Variants in B3GALNT1 observed in about 807,000 individuals in gnomAD.
B3GALNT1 encodes the protein beta-1,3-N-acetylgalactosaminyltransferase 1 (Globoside blood group), also known as UDP-GalNAc:beta-1,3-N-acetylgalactosaminyltransferase 1.
B3GALNT1 carries 17 observed loss-of-function variants against 27.3 expected under a neutral mutation model. The observed-to-expected ratio is 0.62, with a 90% CI of 0.43 to 0.94. B3GALNT1 has a LOEUF of 0.94. B3GALNT1 is among the 40% of genes least tolerant of loss of function. The pLI, the probability that B3GALNT1 is intolerant of heterozygous loss-of-function variation, is 0.00. For missense variants in B3GALNT1, 347 were observed against 390.0 expected (o/e 0.89, Z 0.93); for synonymous variants, 141 against 144.0 (o/e 0.98, Z 0.15).
Position 161,086,021 on chromosome 3 carries a change from A to C in B3GALNT1, c.734T>G (p.Met245Arg). ...GATCCTTGGCACCAAATCTCTGGAC[A>C]TTATATAACCCAACCCACTGCAGTA... The part of the protein sequence containing the change: ...PPYCSGLGYI[M>R]SRDLVPRIYE... The change falls in exon 5 of 5, where the codon ATG (methionine) becomes AGG (arginine). Residue 245 changes from methionine (M) to arginine (R), a missense_variant. Transcript: ENST00000320474. The C allele has an allele frequency of 6.3e-7, 1 of 1,587,380 alleles. No individual in the cohort carries two copies. Among genetic ancestry groups the C allele is most frequent in the Non-Finnish European group, 8.6e-7 (1 of 1,168,958 alleles).
rs1447400481 is a variant in B3GALNT1, at chr3:161,092,822, A to C, written c.-34-6034T>G. ...CGCTCTGTCGCCCAGGCTGGAGTGC[A>C]GTGGTGCAATCTCGGCTCACTGCGC... On this transcript the variant is annotated intron_variant, in intron 4 of 4. Transcript: ENST00000320474. Among the ~76,000 whole-genome samples, 26 of 131,424 alleles carry C rather than the reference A, an allele frequency of 2.0e-4. 1 individual carries two copies. 86.2% of individuals were successfully genotyped at this position (131,424 alleles called of 152,430 possible).
At chr3:161,088,114 CCTTGGG>C (rs1722994026) in intron 4 of B3GALNT1, among the ~76,000 whole-genome samples, 1 of 152,086 alleles carries the variant, frequency 6.6e-6, no homozygotes, top group Non-Finnish European at 1.5e-5. Flanking sequence ...AAGGGTTCTA[CCTTGGG>C]TCAACTTTAG....
Position 161,101,242 on chromosome 3 carries a change from G to A in B3GALNT1, c.-129-9C>T. On this transcript the variant is annotated splice_polypyrimidine_tract_variant and intron_variant, in intron 3 of 4. Coordinates refer to ENST00000320474, the MANE Select transcript of B3GALNT1 (RefSeq NM_003781.4). Reference sequence around the variant, plus strand: ...CCAGGGAGCTAAGAAAACTGGAGCAGAGCAAAGATCACAAAGTCAGGCAGA... The same window carrying A: ...CCAGGGAGCTAAGAAAACTGGAGCAAAGCAAAGATCACAAAGTCAGGCAGA... 1.6e-6 allele frequency: 2 copies of A among 1,288,734 alleles called. No individual in the cohort carries two copies. Among genetic ancestry groups the A allele is most frequent in the Non-Finnish European group, 2.0e-6 (2 of 987,844 alleles). The allele number at this position is 1,288,734 out of a possible 1,614,324, so 79.8% of individuals were successfully genotyped here.
chr3:161,100,913 T>C (rs1456708068), intron 4 of B3GALNT1, among the ~76,000 whole-genome samples: 1 of 152,074 alleles, frequency 6.6e-6, no homozygotes. Flanking sequence ...ACAAAGCACA[T>C]TTCATGACAC....
chr3:161,101,191 G>T lies in B3GALNT1; in HGVS notation c.-87C>A. On this transcript the variant is annotated 5_prime_UTR_variant, in exon 4 of 5. Coordinates refer to ENST00000320474, the MANE Select transcript of B3GALNT1 (RefSeq NM_003781.4). ...AGCACCACGTGATAGAGCAGCCAGC[G>T]GGAAGAGCCAACAGGTCAACCGGGT... 7.8e-7 allele frequency: 1 copy of T among 1,289,888 alleles called. No individual in the cohort carries two copies. Among genetic ancestry groups the T allele is most frequent in the Non-Finnish European group, 1.0e-6 (1 of 988,884 alleles). The allele number at this position is 1,289,888 out of a possible 1,614,324, so 79.9% of individuals were successfully genotyped here.
rs1317950337 is a variant in B3GALNT1, at chr3:161,086,661, C to A, written c.94G>T (p.Val32Leu). 4 of 1,614,162 alleles carry A rather than the reference C, an allele frequency of 2.5e-6. No individual in the cohort carries two copies. The highest frequency in any genetic ancestry group is 2.2e-5 in the East Asian group (1 of 44,880). Reference sequence around the variant, plus strand: ...TGGGGAAGGCTGAGGTACCACATCACAAAGAAACTCAGGAGTGACAGCAGC... The same window carrying A: ...TGGGGAAGGCTGAGGTACCACATCAAAAAGAAACTCAGGAGTGACAGCAGC... ...LLLLSLLSFFVMWYLSLPHYN... is the reference protein window; with the variant it reads ...LLLLSLLSFFLMWYLSLPHYN... The change falls in exon 5 of 5, where the codon GTG becomes TTG. Residue 32 changes from valine (V) to leucine (L), a missense_variant. Val to Leu is a conservative substitution (Grantham distance 32). Transcript: ENST00000320474.
At chr3:161,098,522 T>C (rs572145198) in intron 4 of B3GALNT1, among the ~76,000 whole-genome samples, 25 of 152,298 alleles carry the variant, frequency 1.6e-4, no homozygotes, top group African/African-American at 5.5e-4. Context: ...AAGAGCAGCC[T>C]GGCAACATGG....
intron 4 of B3GALNT1, among the ~76,000 whole-genome samples, chr3:161,097,135 T>C (rs1015408466): frequency 6.6e-6 from 1 of 152,236 alleles, no homozygotes; most frequent in African/African-American, 2.4e-5. Context: ...TACTGAAGTT[T>C]GAGAAGCAAT....
At chr3:161,089,246 AC>A (rs1249096212) in intron 4 of B3GALNT1, among the ~76,000 whole-genome samples, 1 of 152,232 alleles carries the variant, frequency 6.6e-6, no homozygotes, top group Non-Finnish European at 1.5e-5. Flanking sequence ...TAGGTATTCA[AC>A]AAACAGAAGC....
At chr3:161,089,962 G>C (rs1724131550) in intron 4 of B3GALNT1, 2 of 219,760 alleles carry the variant, frequency 9.1e-6, no homozygotes, top group Non-Finnish European at 2.0e-5. Flanking sequence ...CCACCTACTT[G>C]GGAGGCTGAG....
chr3:161,090,484 A>G (rs1038662811), intron 4 of B3GALNT1, among the ~76,000 whole-genome samples: 7 of 152,202 alleles, frequency 4.6e-5, no homozygotes, highest in African/African-American at 7.2e-5. Context: ...ATTAGGTAAT[A>G]CAAGCCTTCT....
intron 4 of B3GALNT1, among the ~76,000 whole-genome samples, chr3:161,093,212 A>T (rs899978868): frequency 1.3e-5 from 2 of 152,200 alleles, no homozygotes; most frequent in Non-Finnish European, 2.9e-5. Context: ...AGAAATGATA[A>T]ATTTTTGAGG....
chr3:161,093,949 A>T (rs1450625944), intron 4 of B3GALNT1, among the ~76,000 whole-genome samples: 3 of 152,242 alleles, frequency 2.0e-5, no homozygotes. Flanking sequence ...ACTTAGTGCA[A>T]TGCTGGGTGA....
chr3:161,100,549 T>A (rs1042654033), intron 4 of B3GALNT1, among the ~76,000 whole-genome samples: 6 of 152,208 alleles, frequency 3.9e-5, no homozygotes, highest in Non-Finnish European at 7.3e-5. Flanking sequence ...CACATGTAAG[T>A]AAGACATATT....
At position 161,084,874 on chromosome 3, in the gene B3GALNT1, T is replaced by C. The variant is rs1287538654; in HGVS notation, c.*885A>G. The C allele has an allele frequency of 6.6e-6, 1 of 152,204 alleles. No homozygotes were observed. The highest frequency in any genetic ancestry group is 1.5e-5 in the Non-Finnish European group (1 of 68,036). 9.4% of individuals were successfully genotyped at this position (152,204 alleles called of 1,614,324 possible). A position where few individuals can be genotyped will look rare whatever the true frequency, so the allele number is the denominator to read the frequency against. On this transcript the variant is annotated 3_prime_UTR_variant, in exon 5 of 5. Transcript: ENST00000320474. Reference sequence around the variant, plus strand: ...CTTCAGAGTCCTTTCCAAAAGGAAATTACTGCCTTGCATTCTACATTATTC... The same window carrying C: ...CTTCAGAGTCCTTTCCAAAAGGAAACTACTGCCTTGCATTCTACATTATTC...
In B3GALNT1 at chr3:161,086,672, A is replaced by G. The variant is rs777271560; in HGVS notation, c.83T>C (p.Leu28Pro). Residue 28 changes from leucine to proline, a missense_variant, in exon 5 of 5, where the codon CTG becomes CCG. Physicochemically the swap from Leu to Pro is moderately conservative, Grantham distance 98. Transcript: ENST00000320474. Reference sequence around the variant, plus strand: ...GAGGTACCACATCACAAAGAAACTCAGGAGTGACAGCAGCAGGAGGCTCCA... The same window carrying G: ...GAGGTACCACATCACAAAGAAACTCGGGAGTGACAGCAGCAGGAGGCTCCA... ...LKWSLLLLSL[L>P]SFFVMWYLSL... 8 of 1,614,148 alleles carry G rather than the reference A, an allele frequency of 5.0e-6. No individual in the cohort carries two copies. Among genetic ancestry groups the G allele is most frequent in the South Asian group, 1.1e-5 (1 of 91,080 alleles).
chr3:161,103,403 T>C (rs1330071170), intron 3 of B3GALNT1, 24 bp downstream of exon 3: 9 of 1,130,004 alleles, frequency 8.0e-6, no homozygotes, highest in Non-Finnish European at 1.1e-5. Flanking sequence ...GGATAATTTA[T>C]AAGTTAAAAG....
chr3:161,099,473 T>C (rs910022801), intron 4 of B3GALNT1, among the ~76,000 whole-genome samples: 1 of 152,162 alleles, frequency 6.6e-6, no homozygotes, highest in Non-Finnish European at 1.5e-5. Context: ...AAACAGACCT[T>C]ACAGTTTAGC....
intron 4 of B3GALNT1, among the ~76,000 whole-genome samples, chr3:161,100,306 C>T (rs924909777): frequency 2.0e-5 from 3 of 152,172 alleles, no homozygotes; most frequent in Admixed American, 2.0e-4. Context: ...AAGCCCACCT[C>T]GAGCACCACT....
Sources: allele counts gnomAD v4.1 joint callset (sites outside exome capture counted in the v4.1 genomes callset), GRCh38; gene constraint gnomAD v4.1.1; transcripts MANE v1.5; gene names NCBI Gene and HGNC (gene_info 2026-07-23, HGNC 2026-07-21).